AUTS2: variants seen among roughly 807,000 people sequenced by gnomAD.
AUTS2 encodes the protein activator of transcription and developmental regulator AUTS2, also known as autism susceptibility gene 2 protein.
Under a neutral mutation model 112.4 loss-of-function variants are expected in AUTS2, and 17 were observed. That is an observed-to-expected ratio of 0.15 (90% CI 0.10 to 0.23). The LOEUF is 0.23. AUTS2 is among the 10% of genes least tolerant of loss of function. The probability of loss-of-function intolerance (pLI) is 1.00; values close to 1 mark genes in which losing one functional copy is unlikely to be tolerated. For synonymous variants in AUTS2, 751 were observed against 702.7 expected (o/e 1.07, Z -1.09); for missense variants, 1,510 against 1,701.6 (o/e 0.89, Z 1.98).
At chr7:70,122,961 C>T (rs934737988) in intron 3 of AUTS2, among the ~76,000 whole-genome samples, 3 of 151,290 alleles carry the variant, frequency 2.0e-5, no homozygotes, top group Admixed American at 6.6e-5. Flanking sequence ...CTGCAGCCTC[C>T]ACCTCCTGGG....
At chr7:70,486,277 C>T (rs1797995118) in intron 5 of AUTS2, among the ~76,000 whole-genome samples, 1 of 152,188 alleles carries the variant, frequency 6.6e-6, no homozygotes. Flanking sequence ...CATCTTGTCT[C>T]TCGCTGTACC....
At chr7:70,780,486 G>A (rs1164470899) in intron 14 of AUTS2, among the ~76,000 whole-genome samples, 4 of 150,902 alleles carry the variant, frequency 2.7e-5, no homozygotes, top group East Asian at 1.9e-4. Flanking sequence ...AGCAATTCTC[G>A]TGCCTCAGCC....
At chr7:70,511,252 C>G (rs1012803715) in intron 5 of AUTS2, among the ~76,000 whole-genome samples, 2 of 152,076 alleles carry the variant, frequency 1.3e-5, no homozygotes, top group Non-Finnish European at 2.9e-5. Context: ...ACTGCCACAG[C>G]AGAGCAAAGG....
At chr7:69,705,805 G>A (rs1019595793) in intron 1 of AUTS2, among the ~76,000 whole-genome samples, 9 of 152,206 alleles carry the variant, frequency 5.9e-5, no homozygotes, top group African/African-American at 2.2e-4. Flanking sequence ...TGAGAGGTTT[G>A]GTTTCTTCTG....
rs139655019 is a variant in AUTS2 at position 70,401,206 on chromosome 7, G to C, written c.661-34546G>C. Among the ~76,000 whole-genome samples the C allele has an allele frequency of 4.3e-4, 65 of 152,216 alleles. 1 individual carries two copies. In the South Asian group the frequency reaches 7.5e-3, roughly 18 times the overall value. On this transcript the variant is annotated intron_variant, in intron 4 of 18. Transcript: ENST00000342771. ...AGGGAGAGGTAACAGAATCCCCTGGGGACCTTAGTCAAATTGCACACACCT... is the reference window on the plus strand; with the variant it reads ...AGGGAGAGGTAACAGAATCCCCTGGCGACCTTAGTCAAATTGCACACACCT...
chr7:70,647,603 C>T (rs1333973373), intron 5 of AUTS2, among the ~76,000 whole-genome samples: 2 of 152,222 alleles, frequency 1.3e-5, no homozygotes, highest in Non-Finnish European at 2.9e-5. Flanking sequence ...TGAGACAAGG[C>T]ATCCTGGGTC....
chr7:69,773,458 CAAAA>C (rs746707793), intron 1 of AUTS2, among the ~76,000 whole-genome samples: 9 of 56,398 alleles, frequency 1.6e-4, no homozygotes, highest in Non-Finnish European at 2.6e-4. Context: ...AGGCACAGAC[CAAAA>C]AAAAAAAAAA....
At chr7:70,770,988 AT>A (rs1441428442) in intron 10 of AUTS2, among the ~76,000 whole-genome samples, 1 of 152,172 alleles carries the variant, frequency 6.6e-6, no homozygotes, top group Non-Finnish European at 1.5e-5. Flanking sequence ...AGAGAATTAA[AT>A]TGTCCTCTGG....
chr7:69,623,242 G>A (rs1180706553), intron 1 of AUTS2, among the ~76,000 whole-genome samples: 1 of 151,952 alleles, frequency 6.6e-6, no homozygotes, highest in Non-Finnish European at 1.5e-5. Flanking sequence ...TGTGACAGGG[G>A]GACAAGGTCT....
At chr7:70,523,847 G>T (rs540414373) in intron 5 of AUTS2, among the ~76,000 whole-genome samples, 1 of 152,214 alleles carries the variant, frequency 6.6e-6, no homozygotes, top group Non-Finnish European at 1.5e-5. Flanking sequence ...GCGAAAACCG[G>T]TGAATCAGCT....
chr7:69,853,009 G>A (rs1792557711), intron 1 of AUTS2, among the ~76,000 whole-genome samples: 1 of 152,004 alleles, frequency 6.6e-6, no homozygotes, highest in Non-Finnish European at 1.5e-5. Flanking sequence ...CACTGTATAT[G>A]ATTTCAGTTC....
At chr7:70,747,040 G>A (rs1311129555) in intron 6 of AUTS2, among the ~76,000 whole-genome samples, 1 of 152,180 alleles carries the variant, frequency 6.6e-6, no homozygotes. Flanking sequence ...GAGTGGGAGT[G>A]GAAGGGGGTG....
rs79405047 is a variant in AUTS2, at chr7:70,545,296, G to A, written c.690+109515G>A. On this transcript the variant is annotated intron_variant, in intron 5 of 18. Coordinates refer to ENST00000342771, the MANE Select transcript of AUTS2 (RefSeq NM_015570.4). ...CTAAGTTCTGGCATGGCTTTTGGAC[G>A]CAAAGCAGCTGGGCTGCGGGCATGC... is the stretch of plus-strand genomic sequence containing the variant. Among the ~76,000 whole-genome samples the A allele has an allele frequency of 2.8e-3, 430 of 152,292 alleles. 17 individuals carry two copies. The East Asian group carries it at 0.077, about 27-fold the overall frequency.
At chr7:69,698,113 C>A (rs1159347829) in intron 1 of AUTS2, among the ~76,000 whole-genome samples, 3 of 152,174 alleles carry the variant, frequency 2.0e-5, no homozygotes, top group Non-Finnish European at 4.4e-5. Context: ...ATAGAACTCT[C>A]TAGGGCAAGT....
chr7:70,737,315 G>A (rs10950211), intron 6 of AUTS2, among the ~76,000 whole-genome samples: 101,771 of 152,112 alleles, frequency 0.67, 35,064 homozygotes, highest in African/African-American at 0.83. Context: ...AAGCACCACC[G>A]TGTGCCAAAG....
intron 4 of AUTS2, among the ~76,000 whole-genome samples, chr7:70,221,705 G>A (rs1365399144): frequency 6.6e-6 from 1 of 152,196 alleles, no homozygotes; most frequent in Non-Finnish European, 1.5e-5. Flanking sequence ...TGGCCAACAT[G>A]GCGAAACCTC....
intron 4 of AUTS2, among the ~76,000 whole-genome samples, chr7:70,140,905 C>G (rs1297316700): frequency 2.6e-5 from 4 of 152,166 alleles, no homozygotes; most frequent in Non-Finnish European, 5.9e-5. Context: ...ACAAGTATGA[C>G]TTAAATATCT....
At chr7:70,478,287 G>A (rs558491096) in intron 5 of AUTS2, among the ~76,000 whole-genome samples, 3 of 152,180 alleles carry the variant, frequency 2.0e-5, no homozygotes, top group Admixed American at 6.5e-5. Context: ...AATACCCACT[G>A]CTGAATTTCA....
chr7:69,607,308 C>T (rs1792783063), intron 1 of AUTS2, among the ~76,000 whole-genome samples: 1 of 152,154 alleles, frequency 6.6e-6, no homozygotes. Flanking sequence ...ACCTGCTGCC[C>T]ACCTCCCTCC....
Sources: allele counts gnomAD v4.1 joint callset (sites outside exome capture counted in the v4.1 genomes callset), GRCh38; gene constraint gnomAD v4.1.1; transcripts MANE v1.5; gene names NCBI Gene and HGNC (gene_info 2026-07-23, HGNC 2026-07-21).